The following ARHGEF7 variants were observed in gnomAD, a reference collection of about 807,000 sequenced individuals.
The protein encoded by ARHGEF7 is PAK-interacting exchange factor beta.
ARHGEF7 carries 33 observed loss-of-function variants against 109.8 expected under a neutral mutation model. That is an observed-to-expected ratio of 0.30 (90% CI 0.23 to 0.40). The LOEUF is 0.40. ARHGEF7 is among the 10% of genes least tolerant of loss of function. The probability of loss-of-function intolerance (pLI) is 1.00; values close to 1 mark genes in which losing one functional copy is unlikely to be tolerated. For synonymous variants in ARHGEF7, 458 were observed against 424.6 expected (o/e 1.08, Z -0.97); for missense variants, 938 against 1,098.5 (o/e 0.85, Z 2.07).
intron 2 of ARHGEF7, among the ~76,000 whole-genome samples, chr13:111,155,212 G>C (rs1291145622): frequency 6.6e-6 from 1 of 152,178 alleles, no homozygotes; most frequent in South Asian, 2.1e-4. Context: ...AACTGTATAT[G>C]AAAGCATCTT....
At chr13:111,210,054 T>C (rs766850001) in intron 4 of ARHGEF7, 52 bp downstream of exon 4, 5 of 1,609,128 alleles carry the variant, frequency 3.1e-6, no homozygotes, top group Non-Finnish European at 4.3e-6. Flanking sequence ...GATATGAGTG[T>C]GTATGGATAT....
intron 2 of ARHGEF7, among the ~76,000 whole-genome samples, chr13:111,186,570 T>G (rs984653343): frequency 7.9e-5 from 12 of 152,238 alleles, no homozygotes; most frequent in Admixed American, 7.8e-4. Context: ...ATGGACCATT[T>G]GCATTAAACT....
rs565316635 is a variant in ARHGEF7 at position 111,137,631 on chromosome 13, C to T, written c.166-16274C>T. On this transcript the variant is annotated intron_variant, in intron 1 of 21. Coordinates refer to ENST00000646102, the MANE Select transcript of ARHGEF7 (RefSeq NM_001354046.2). ...ATCCTGCTTGGGTTGGAAGGGGACTCGGAAATTTATCTGAAAAATTGGAAT... is the reference window on the plus strand; with the variant it reads ...ATCCTGCTTGGGTTGGAAGGGGACTTGGAAATTTATCTGAAAAATTGGAAT... Among the ~76,000 whole-genome samples, 64 of 151,936 alleles carry T rather than the reference C, an allele frequency of 4.2e-4. 1 individual carries two copies. The highest frequency in any genetic ancestry group is 4.4e-4 in the Non-Finnish European group (30 of 67,980).
intron 1 of ARHGEF7, among the ~76,000 whole-genome samples, chr13:111,143,346 A>C (rs988482498): frequency 1.3e-5 from 2 of 152,206 alleles, no homozygotes; most frequent in African/African-American, 4.8e-5. Flanking sequence ...TGGATTCACT[A>C]GCACATTTCC....
intron 8 of ARHGEF7, among the ~76,000 whole-genome samples, chr13:111,254,009 G>A (rs2090109270): frequency 6.6e-6 from 1 of 152,176 alleles, no homozygotes; most frequent in Non-Finnish European, 1.5e-5. Context: ...AGGATGCCAC[G>A]CCTGTGGAGG....
At chr13:111,161,108 AT>A (rs35356708) in intron 2 of ARHGEF7, among the ~76,000 whole-genome samples, 25,000 of 152,212 alleles carry the variant, frequency 0.16, 2,362 homozygotes, top group South Asian at 0.21. Context: ...TATAATGAAA[AT>A]ATCCCTAAAT....
chr13:111,278,235 A>G (rs1163645043), intron 13 of ARHGEF7, among the ~76,000 whole-genome samples: 1 of 152,154 alleles, frequency 6.6e-6, no homozygotes, highest in Non-Finnish European at 1.5e-5. Context: ...TTCTGTTGCG[A>G]CAGTGGTTTA....
At chr13:111,301,358 G>C in intron 20 of ARHGEF7, 120 bp from the exon 21 acceptor site, 1 of 829,216 alleles carries the variant, frequency 1.2e-6, no homozygotes, top group Non-Finnish European at 2.0e-6. Context: ...GACAGTACAT[G>C]GGTAAGGCAG....
chr13:111,305,583 T>C lies in ARHGEF7; in HGVS notation c.*2470T>C, dbSNP rs1181705629. ...GTGTGGACTCCTTAATGCCAATCAT[T>C]TCTTCACTTCTCTGGGACACCCAGG... On this transcript the variant is annotated 3_prime_UTR_variant, in exon 22 of 22. Transcript: ENST00000646102. The C allele has an allele frequency of 6.6e-6, 1 of 152,224 alleles. No individual in the cohort carries two copies. Among genetic ancestry groups the C allele is most frequent in the African/African-American group, 2.4e-5 (1 of 41,450 alleles). The allele number at this position is 152,224 out of a possible 1,614,324, so 9.4% of individuals were successfully genotyped here.
chr13:111,246,563 G>A (rs551198013), intron 8 of ARHGEF7, among the ~76,000 whole-genome samples: 18 of 152,328 alleles, frequency 1.2e-4, no homozygotes, highest in Non-Finnish European at 2.2e-4. Context: ...ATTAGAAACC[G>A]TAAGTGAATA....
chr13:111,184,524 A>G (rs2079061780), intron 2 of ARHGEF7, among the ~76,000 whole-genome samples: 1 of 152,102 alleles, frequency 6.6e-6, no homozygotes, highest in Non-Finnish European at 1.5e-5. Flanking sequence ...ACCCGCTGGC[A>G]TGGTTCCCAG....
intron 2 of ARHGEF7, among the ~76,000 whole-genome samples, chr13:111,185,815 G>C (rs1007141141): frequency 6.6e-6 from 1 of 152,162 alleles, no homozygotes. Context: ...GGTGCTGCCT[G>C]ATCTGCCTGC....
chr13:111,172,445 A>G (rs2077694728), intron 2 of ARHGEF7, among the ~76,000 whole-genome samples: 1 of 152,210 alleles, frequency 6.6e-6, no homozygotes, highest in Admixed American at 6.5e-5. Context: ...TCCAGTTCCA[A>G]GTCACGTGGT....
intron 2 of ARHGEF7, among the ~76,000 whole-genome samples, chr13:111,154,714 A>C (rs533732603): frequency 6.6e-6 from 1 of 152,206 alleles, no homozygotes; most frequent in South Asian, 2.1e-4. Context: ...TAACTCTTTC[A>C]TTTTATTTTG....
intron 4 of ARHGEF7, among the ~76,000 whole-genome samples, chr13:111,213,108 T>A (rs1011675953): frequency 6.6e-5 from 10 of 152,190 alleles, no homozygotes; most frequent in Admixed American, 6.5e-4. Flanking sequence ...CTCCAGAGTG[T>A]CCTGGTTTTG....
At chr13:111,240,391 G>A (rs547273643) in intron 6 of ARHGEF7, among the ~76,000 whole-genome samples, 2 of 152,164 alleles carry the variant, frequency 1.3e-5, no homozygotes, top group African/African-American at 4.8e-5. Context: ...GAGAACTAAC[G>A]TTCCGAGGTA....
intron 17 of ARHGEF7, 108 bp from the exon 18 acceptor site, chr13:111,288,246 A>G: frequency 1.9e-6 from 1 of 527,388 alleles, no homozygotes; most frequent in Non-Finnish European, 3.4e-6. Context: ...AGGGCAGATT[A>G]TCTTACTTGG....
At chr13:111,191,932 T>A (rs1422855360) in intron 2 of ARHGEF7, among the ~76,000 whole-genome samples, 1 of 152,204 alleles carries the variant, frequency 6.6e-6, no homozygotes, top group Non-Finnish European at 1.5e-5. Context: ...AGAGTATGGT[T>A]AGTATGCTGC....
At position 111,305,676 on chromosome 13, in the gene ARHGEF7, C is replaced by T. The variant is rs2093635191; in HGVS notation, c.*2563C>T. On this transcript the variant is annotated 3_prime_UTR_variant, in exon 22 of 22. Transcript: ENST00000646102. ...ACAGACAATGTCCTAGTGTTGACTA[C>T]TACAATGTTGATGCTACACTGTTGT... is the stretch of plus-strand genomic sequence containing the variant. 3 of 152,260 alleles carry T rather than the reference C, an allele frequency of 2.0e-5. No homozygotes were observed. The South Asian group carries it at 6.2e-4, about 32-fold the overall frequency. The allele number at this position is 152,260 out of a possible 1,614,324, so 9.4% of individuals were successfully genotyped here.
Sources: gnomAD v4.1 joint callset for allele counts (sites outside exome capture counted in the v4.1 genomes callset) on GRCh38, gnomAD v4.1.1 for gene constraint, MANE v1.5 for transcripts, NCBI Gene and HGNC (gene_info 2026-07-23, HGNC 2026-07-21) for gene names.